KCNQ1: variants seen among roughly 807,000 people sequenced by gnomAD.
KCNQ1 encodes the protein potassium voltage-gated channel subfamily Q member 1.
In KCNQ1, 49 loss-of-function variants were observed where a neutral mutation model predicts 72.4. The observed-to-expected ratio is 0.68, with a 90% CI of 0.54 to 0.86. The LOEUF is 0.86. KCNQ1 is among the 40% of genes least tolerant of loss of function. The pLI is 0.00. For synonymous variants in KCNQ1, 450 were observed against 412.6 expected, an observed-to-expected ratio of 1.09 and a Z score of -1.10; for missense variants, 790 against 945.1, an observed-to-expected ratio of 0.84 and a Z score of 2.15.
chr11:2,507,512 G>A lies in KCNQ1; in HGVS notation c.387-20416G>A, dbSNP rs556983389. ...AAGGTGGCGGGTGCAGCGGGAGGAA[G>A]AGAAAAGGATGCTGCTGGGACCCCT... On this transcript the variant is annotated intron_variant, in intron 1 of 15. Coordinates refer to ENST00000155840, the MANE Select transcript of KCNQ1 (RefSeq NM_000218.3). This position sits in a 1 kb window ranked among gnomAD's most constrained non-coding sequence, Gnocchi z 5.4. 2.0e-5 allele frequency among the ~76,000 whole-genome samples: 3 copies of A among 152,320 alleles called. No individual in the cohort carries two copies. Among genetic ancestry groups the A allele is most frequent in the African/African-American group, 4.8e-5 (2 of 41,580 alleles).
Position 2,692,668 on chromosome 11 carries a change from C to T in KCNQ1, c.1514+30587C>T, listed in dbSNP as rs1850607731. ...TCCCCTCAGGGTGCAAACGGTCCTT[C>T]AACATTAGTTAGTCTTTCTCCCCTT... On this transcript the variant is annotated intron_variant, in intron 11 of 15. Coordinates refer to ENST00000155840, the MANE Select transcript of KCNQ1 (RefSeq NM_000218.3). 5 of 398,702 alleles carry T rather than the reference C, an allele frequency of 1.3e-5. No individual in the cohort carries two copies. The Admixed American group carries it at 2.2e-4, about 18-fold the overall frequency. The allele number at this position is 398,702 out of a possible 1,614,324, so 24.7% of individuals were successfully genotyped here. A position where few individuals can be genotyped will look rare whatever the true frequency, so the allele number is the denominator to read the frequency against.
In KCNQ1 at chr11:2,647,050, CCTTGT is replaced by C; in HGVS notation, c.1394-14905_1394-14901del. On this transcript the variant is annotated intron_variant, in intron 10 of 15. Transcript: ENST00000155840. This position sits in a 1 kb window ranked among gnomAD's most constrained non-coding sequence, Gnocchi z 4.0. Reference sequence around the variant, plus strand: ...GAATAAGAATAGTGAAAGTGGGCATCCTTGTCTTGTTCTAGTTCTAAGAGAGAAGG... The same window carrying C: ...GAATAAGAATAGTGAAAGTGGGCATCCTTGTTCTAGTTCTAAGAGAGAAGG... 1 of 398,538 alleles carries C rather than the reference CCTTGT, an allele frequency of 2.5e-6. No homozygotes were observed. Among genetic ancestry groups the C allele is most frequent in the South Asian group, 1.3e-4 (1 of 7,860 alleles). The allele number at this position is 398,538 out of a possible 1,614,324, so 24.7% of individuals were successfully genotyped here.
rs1281049208 is a variant in KCNQ1 at position 2,473,654 on chromosome 11, T to C, written c.386+28170T>C. On this transcript the variant is annotated intron_variant, in intron 1 of 15. Coordinates refer to ENST00000155840, the MANE Select transcript of KCNQ1 (RefSeq NM_000218.3). The surrounding 1 kb of genome is among the most constrained non-coding windows in gnomAD (Gnocchi z 6.0). Reference sequence around the variant, plus strand: ...GAACTCTGGAGGGACTGGGCCTCAGTTGGCCTGGCCTGGCGCGGGGCTGCC... The same window carrying C: ...GAACTCTGGAGGGACTGGGCCTCAGCTGGCCTGGCCTGGCGCGGGGCTGCC... 6.6e-6 allele frequency among the ~76,000 whole-genome samples: 1 copy of C among 152,164 alleles called. No individual in the cohort carries two copies. The highest frequency in any genetic ancestry group is 2.4e-5 in the African/African-American group (1 of 41,434).
At chr11:2,791,358 G>A (rs1307277980) in intron 15 of KCNQ1, among the ~76,000 whole-genome samples, 1 of 152,062 alleles carries the variant, frequency 6.6e-6, no homozygotes, top group East Asian at 1.9e-4. Flanking sequence ...CCTTGTCTGT[G>A]CGGCAAACCC....
At position 2,592,980 on chromosome 11, in the gene KCNQ1, C is replaced by T. The variant is rs1048981002; in HGVS notation, c.1393+4126C>T. Among the ~76,000 whole-genome samples, 16 of 152,244 alleles carry T rather than the reference C, an allele frequency of 1.1e-4. 1 individual carries two copies. In the East Asian group the frequency reaches 1.4e-3, roughly 13 times the overall value. On this transcript the variant is annotated intron_variant, in intron 10 of 15. Transcript: ENST00000155840. This position sits in a 1 kb window ranked among gnomAD's most constrained non-coding sequence, Gnocchi z 5.2. Reference sequence around the variant, plus strand: ...TGGATCCCAGGAGTCCTGAAGGAGCCGCCTCCATCCTGAGCTGCCTACCCT... The same window carrying T: ...TGGATCCCAGGAGTCCTGAAGGAGCTGCCTCCATCCTGAGCTGCCTACCCT...
chr11:2,610,328 A>T (rs772996840), intron 10 of KCNQ1: 3 of 397,950 alleles, frequency 7.5e-6, no homozygotes, highest in Non-Finnish European at 1.3e-5. Flanking sequence ...TTACATCTTT[A>T]TTATGCGCTA....
At chr11:2,605,459 A>G (rs1249234655) in intron 10 of KCNQ1, among the ~76,000 whole-genome samples, 1 of 152,174 alleles carries the variant, frequency 6.6e-6, no homozygotes, top group Non-Finnish European at 1.5e-5. Flanking sequence ...ACTTTGAGTT[A>G]ATTTTTATAT....
intron 11 of KCNQ1, chr11:2,693,181 G>C (rs1850616956): frequency 2.5e-6 from 1 of 398,522 alleles, no homozygotes; most frequent in Non-Finnish European, 4.4e-6. Context: ...TGAATATCTG[G>C]TCTGGCTCTG....
rs1034005148 is a variant in KCNQ1 at position 2,471,135 on chromosome 11, G to C, written c.386+25651G>C. On this transcript the variant is annotated intron_variant, in intron 1 of 15. Coordinates refer to ENST00000155840, the MANE Select transcript of KCNQ1 (RefSeq NM_000218.3). This position sits in a 1 kb window ranked among gnomAD's most constrained non-coding sequence, Gnocchi z 4.8. ...CCACCCTGTATCAACTCATCTCATCGATATCTCCCAACGGCTGGGGAACAA... is the reference window on the plus strand; with the variant it reads ...CCACCCTGTATCAACTCATCTCATCCATATCTCCCAACGGCTGGGGAACAA... Among the ~76,000 whole-genome samples, 1 of 151,642 alleles carries C rather than the reference G, an allele frequency of 6.6e-6. No individual in the cohort carries two copies. The highest frequency in any genetic ancestry group is 1.5e-5 in the Non-Finnish European group (1 of 67,940).
At chr11:2,590,030 T>C (rs1848650822) in intron 10 of KCNQ1, among the ~76,000 whole-genome samples, 1 of 152,200 alleles carries the variant, frequency 6.6e-6, no homozygotes, top group African/African-American at 2.4e-5. Context: ...CTCCAACTTC[T>C]CTTGCATGTG....
At chr11:2,615,310 A>AT in intron 10 of KCNQ1, 1 of 397,924 alleles carries the variant, frequency 2.5e-6, no homozygotes, top group Non-Finnish European at 4.4e-6. Flanking sequence ...GGATTCTTTG[A>AT]TTTTCTAGAT....
At chr11:2,776,949 G>A (rs747678389) in intron 13 of KCNQ1, 37 bp from the exon 14 acceptor site, 3 of 1,607,126 alleles carry the variant, frequency 1.9e-6, no homozygotes, top group East Asian at 2.2e-5. Flanking sequence ...CAGTGCCAGG[G>A]CCAGGTGTGA....
chr11:2,566,538 G>A lies in KCNQ1; in HGVS notation c.478-4090G>A, dbSNP rs907462406. On this transcript the variant is annotated intron_variant, in intron 2 of 15. Coordinates refer to ENST00000155840, the MANE Select transcript of KCNQ1 (RefSeq NM_000218.3). The surrounding 1 kb of genome is among the most constrained non-coding windows in gnomAD (Gnocchi z 6.7). ...TCTGTGTTTGCTCTGTGCACGTCTC[G>A]GTGCCCAGATCTGAGGCCCTTTTGT... Among the ~76,000 whole-genome samples, 1 of 152,150 alleles carries A rather than the reference G, an allele frequency of 6.6e-6. No individual in the cohort carries two copies. The highest frequency in any genetic ancestry group is 1.5e-5 in the Non-Finnish European group (1 of 68,028).
intron 11 of KCNQ1, among the ~76,000 whole-genome samples, chr11:2,732,151 G>A (rs943458806): frequency 5.3e-5 from 8 of 152,228 alleles, no homozygotes; most frequent in African/African-American, 1.4e-4. Flanking sequence ...GCTCTGAAGC[G>A]GGGCTGCGGC....
At position 2,595,468 on chromosome 11, in the gene KCNQ1, G is replaced by T. The variant is rs1848720979; in HGVS notation, c.1393+6614G>T. ...TGCTCAAGTTGAAGCCAGTACTCACGTACCATTTCAACAATCCTAGGGCCC... is the reference window on the plus strand; with the variant it reads ...TGCTCAAGTTGAAGCCAGTACTCACTTACCATTTCAACAATCCTAGGGCCC... On this transcript the variant is annotated intron_variant, in intron 10 of 15. Transcript: ENST00000155840. The surrounding 1 kb of genome is among the most constrained non-coding windows in gnomAD (Gnocchi z 5.0). Among the ~76,000 whole-genome samples, 1 of 152,084 alleles carries T rather than the reference G, an allele frequency of 6.6e-6. No individual in the cohort carries two copies. Among genetic ancestry groups the T allele is most frequent in the African/African-American group, 2.4e-5 (1 of 41,402 alleles).
chr11:2,847,528 T>C (rs192893991), intron 15 of KCNQ1, among the ~76,000 whole-genome samples: 27 of 152,280 alleles, frequency 1.8e-4, no homozygotes, highest in Non-Finnish European at 4.4e-5. Flanking sequence ...ATATAGGGAC[T>C]CCCAGCACGC....
In KCNQ1 at chr11:2,690,248, C is replaced by G. The variant is rs747583559; in HGVS notation, c.1514+28167C>G. 1.5e-5 allele frequency: 6 copies of G among 398,804 alleles called. No homozygotes were observed. Among genetic ancestry groups the G allele is most frequent in the Middle Eastern group, 6.3e-4 (1 of 1,588 alleles). The allele number at this position is 398,804 out of a possible 1,614,324, so 24.7% of individuals were successfully genotyped here. A position where few individuals can be genotyped will look rare whatever the true frequency, so the allele number is the denominator to read the frequency against. ...ACCTCAAGCAAGTCATTCCATGTGGCTGAGCTGCTCCTTGCTGCATCTGCA... is the reference window on the plus strand; with the variant it reads ...ACCTCAAGCAAGTCATTCCATGTGGGTGAGCTGCTCCTTGCTGCATCTGCA... On this transcript the variant is annotated intron_variant, in intron 11 of 15. Transcript: ENST00000155840. This position sits in a 1 kb window ranked among gnomAD's most constrained non-coding sequence, Gnocchi z 5.1.
Position 2,657,102 on chromosome 11 carries a change from C to A in KCNQ1, c.1394-4859C>A, listed in dbSNP as rs1260075134. Reference sequence around the variant, plus strand: ...CTATTTGTCTCTCCCTGTGTCAATACCACATTGCCCTAATGACCACTGCCT... The same window carrying A: ...CTATTTGTCTCTCCCTGTGTCAATAACACATTGCCCTAATGACCACTGCCT... On this transcript the variant is annotated intron_variant, in intron 10 of 15. Coordinates refer to ENST00000155840, the MANE Select transcript of KCNQ1 (RefSeq NM_000218.3). This position sits in a 1 kb window ranked among gnomAD's most constrained non-coding sequence, Gnocchi z 4.8. The A allele has an allele frequency of 7.5e-6, 3 of 398,488 alleles. No individual in the cohort carries two copies. Among genetic ancestry groups the A allele is most frequent in the Non-Finnish European group, 1.3e-5 (3 of 226,068 alleles). 24.7% of individuals were successfully genotyped at this position (398,488 alleles called of 1,614,324 possible).
At chr11:2,520,043 G>T (rs1327870480) in intron 1 of KCNQ1, among the ~76,000 whole-genome samples, 1 of 152,224 alleles carries the variant, frequency 6.6e-6, no homozygotes, top group Non-Finnish European at 1.5e-5. Flanking sequence ...GGGCCCTGTC[G>T]CCCCCACCCC....
Sources: gnomAD v4.1 joint callset for allele counts (sites outside exome capture counted in the v4.1 genomes callset) on GRCh38, gnomAD v4.1.1 for gene constraint, Gnocchi (gnomAD v3.1) non-coding constraint, MANE v1.5 for transcripts, NCBI Gene and HGNC (gene_info 2026-07-23, HGNC 2026-07-21) for gene names.